The following RHOXF1 variants were observed in gnomAD, a reference collection of about 807,000 sequenced individuals.
RHOXF1 encodes PEPP subfamily gene 1.
RHOXF1 carries 1 observed loss-of-function variant against 9.7 expected under a neutral mutation model. The observed-to-expected ratio is 0.10, with a 90% CI of 0.04 to 0.49. RHOXF1 has a LOEUF of 0.49. Among genes scored for constraint, RHOXF1 ranks in the 20% least tolerant of loss-of-function variants. RHOXF1 has a pLI of 0.95. For synonymous variants in RHOXF1, 72 were observed against 70.2 expected (o/e 1.03, Z -0.13); for missense variants, 179 against 168.0 (o/e 1.07, Z -0.36).
chrX:120,115,363 C>A (rs1373268430), intron 1 of RHOXF1, 102 bp downstream of exon 1: 12 of 668,255 alleles, frequency 1.8e-5, no homozygotes, highest in Non-Finnish European at 2.5e-5. Context: ...CAGGCAAGGA[C>A]CCCCAGTGGC....
intron 2 of RHOXF1, among the ~76,000 whole-genome samples, chrX:120,111,682 C>T (rs782229922): frequency 1.4e-4 from 16 of 111,715 alleles, no homozygotes; most frequent in Non-Finnish European, 2.4e-4. Flanking sequence ...CAAAAAAGTA[C>T]CACCAAAAAG....
upstream of RHOXF1, chrX:120,119,392 G>C (rs1385976391): frequency 8.9e-6 from 1 of 112,083 alleles, no homozygotes; most frequent in Non-Finnish European, 1.9e-5. Flanking sequence ...GCCGTGATTT[G>C]TGGCTATTTT....
chrX:120,118,178 A>T (rs553029081), upstream of RHOXF1, among the ~76,000 whole-genome samples: 1 of 112,047 alleles, frequency 8.9e-6, no homozygotes, highest in East Asian at 2.8e-4. Context: ...AATGGCATGC[A>T]GGGGAGAGGG....
chrX:120,113,904 C>A (rs2057281852), intron 1 of RHOXF1, among the ~76,000 whole-genome samples: 1 of 107,996 alleles, frequency 9.3e-6, no homozygotes, highest in African/African-American at 3.4e-5. Flanking sequence ...CTAGCCTGGG[C>A]AACACGGCGA....
chrX:120,115,514 C>G lies in RHOXF1; in HGVS notation c.349G>C (p.Glu117Gln). Residue 117 changes from glutamate (E) to glutamine (Q), a missense_variant, in exon 1 of 3, where the codon GAG becomes CAG. Glu to Gln is a conservative substitution (Grantham distance 29). Coordinates refer to ENST00000217999, the MANE Select transcript of RHOXF1 (RefSeq NM_139282.3). ...RTKFTLLQVEELESVFRHTQY... is the reference protein window; with the variant it reads ...RTKFTLLQVEQLESVFRHTQY... ...GTGTGTCGGAAAACACTTTCCAGCT[C>G]CTCCACCTGCAACAGCGTGAACTTC... is the stretch of plus-strand genomic sequence containing the variant. 8.8e-7 allele frequency: 1 copy of G among 1,134,404 alleles called. No homozygotes were observed. The highest frequency in any genetic ancestry group is 1.2e-6 in the Non-Finnish European group (1 of 858,903). 93.5% of individuals were successfully genotyped at this position (1,134,404 alleles called of 1,213,427 possible).
upstream of RHOXF1, chrX:120,115,917 G>C: frequency 1.9e-6 from 2 of 1,075,591 alleles, no homozygotes; most frequent in Non-Finnish European, 2.4e-6. Flanking sequence ...CTGGAGTGGG[G>C]GTTAGAGGGT....
upstream of RHOXF1, among the ~76,000 whole-genome samples, chrX:120,118,326 G>A (rs993448495): frequency 5.4e-5 from 6 of 111,650 alleles, no homozygotes; most frequent in African/African-American, 1.6e-4. Flanking sequence ...AGTTCTGGAG[G>A]TTCCTGGTTT....
upstream of RHOXF1, among the ~76,000 whole-genome samples, chrX:120,118,434 T>C (rs1348864607): frequency 9.0e-6 from 1 of 110,988 alleles, no homozygotes; most frequent in Non-Finnish European, 1.9e-5. Flanking sequence ...AAGTTTATAA[T>C]TGCATTCCCA....
At chrX:120,112,250 C>T (rs1258912385) in intron 2 of RHOXF1, among the ~76,000 whole-genome samples, 1 of 109,334 alleles carries the variant, frequency 9.1e-6, no homozygotes, top group Non-Finnish European at 1.9e-5. Flanking sequence ...CCTCTTATAA[C>T]CCTGCTCCTC....
chrX:120,110,000 G>A (rs782336282), intron 2 of RHOXF1, among the ~76,000 whole-genome samples: 79 of 112,137 alleles, frequency 7.0e-4, no homozygotes, highest in Admixed American at 6.4e-3. Flanking sequence ...GGTAACAAAA[G>A]GTGTGCATCT....
intron 2 of RHOXF1, among the ~76,000 whole-genome samples, chrX:120,112,474 CATATATGTGTTATATATAATACACAT>C (rs2057272179): frequency 4.7e-5 from 2 of 42,174 alleles, no homozygotes; most frequent in African/African-American, 6.4e-5. Context: ...ATATAATACA[CATATATGTGTTATATATAATACACAT>C]ATATGTATTA....
rs374790558 is a variant in RHOXF1 at position 120,115,653 on chromosome X, G to A, written c.210C>T (p.Gly70=). The A allele has an allele frequency of 5.0e-6, 6 of 1,190,012 alleles. No homozygotes were observed. In the African/African-American group the frequency reaches 1.1e-4, roughly 21 times the overall value. ...MNRDGGMIPE[G]GGGNQEPRQQ... is the part of the protein sequence containing the mutation. ...GCCGAGGCTCCTGGTTTCCACCGCCGCCCTCGGGGATCATGCCGCCATCGC... is the reference window on the plus strand; with the variant it reads ...GCCGAGGCTCCTGGTTTCCACCGCCACCCTCGGGGATCATGCCGCCATCGC... Residue 70 remains glycine (G), a synonymous_variant, in exon 1 of 3, where the codon GGC becomes GGT. Transcript: ENST00000217999.
chrX:120,111,788 AG>A (rs1165132028), intron 2 of RHOXF1, among the ~76,000 whole-genome samples: 3 of 112,167 alleles, frequency 2.7e-5, no homozygotes, highest in Non-Finnish European at 5.6e-5. Context: ...GTACATGCAT[AG>A]TATGTGCAAA....
chrX:120,109,344 C>G, intron 2 of RHOXF1, 42 bp from the exon 3 acceptor site: 1 of 805,488 alleles, frequency 1.2e-6, no homozygotes, highest in Non-Finnish European at 1.8e-6. Context: ...GTATATTGAA[C>G]AGTTAATGTC....
chrX:120,113,064 C>A, intron 1 of RHOXF1, 150 bp from the exon 2 acceptor site: 1 of 399,140 alleles, frequency 2.5e-6, no homozygotes. Context: ...ATTCCCAGCT[C>A]CATGGTTGCT....
upstream of RHOXF1, among the ~76,000 whole-genome samples, chrX:120,118,502 T>G (rs1318129897): frequency 8.9e-6 from 1 of 112,226 alleles, no homozygotes; most frequent in Non-Finnish European, 1.9e-5. Flanking sequence ...CATTTGATTC[T>G]TTAAAAAAGA....
At chrX:120,112,076 G>A (rs782813882) in intron 2 of RHOXF1, among the ~76,000 whole-genome samples, 2 of 111,184 alleles carry the variant, frequency 1.8e-5, no homozygotes, top group African/African-American at 3.3e-5. Context: ...CAGGGGCTTG[G>A]ACATATAAGC....
At chrX:120,119,539 C>T (rs1359614929), upstream of RHOXF1, 6 of 112,025 alleles carry the variant, frequency 5.4e-5, no homozygotes, top group African/African-American at 1.6e-4. Flanking sequence ...ACAACACTCA[C>T]CTAAGATGCC....
chrX:120,119,384 C>T (rs1055275684), upstream of RHOXF1, among the ~76,000 whole-genome samples: 3 of 111,729 alleles, frequency 2.7e-5, no homozygotes, highest in Admixed American at 9.5e-5. Context: ...TACATCAGGC[C>T]GTGATTTGTG....
Sources: allele counts gnomAD v4.1 joint callset (sites outside exome capture counted in the v4.1 genomes callset), GRCh38; gene constraint gnomAD v4.1.1; transcripts MANE v1.5; gene names NCBI Gene and HGNC (gene_info 2026-07-23, HGNC 2026-07-21).